PMPCB: variants seen among roughly 807,000 people sequenced by gnomAD.
PMPCB encodes peptidase, mitochondrial processing subunit beta.
Under a neutral mutation model 61.5 loss-of-function variants are expected in PMPCB, and 46 were observed. That is an observed-to-expected ratio of 0.75 (90% CI 0.59 to 0.96). PMPCB has a LOEUF of 0.96. PMPCB is among the 40% of genes least tolerant of loss of function. PMPCB has a pLI of 0.00. For missense variants in PMPCB, 590 were observed against 602.4 expected, an observed-to-expected ratio of 0.98 and a Z score of 0.22; for synonymous variants, 191 against 201.6, an observed-to-expected ratio of 0.95 and a Z score of 0.44.
At position 103,313,132 on chromosome 7, in the gene PMPCB, G is replaced by A. The variant is rs1421658777; in HGVS notation, c.*861G>A. On this transcript the variant is annotated 3_prime_UTR_variant, in exon 13 of 13. Transcript: ENST00000249269. ...TAAGAAAAATTTTTATTTGAAAACT[G>A]TCTTTGAACATGTTCTCAGACAAGT... 2 of 1,584,842 alleles carry A rather than the reference G, an allele frequency of 1.3e-6. No individual in the cohort carries two copies. The highest frequency in any genetic ancestry group is 3.7e-5 in the Admixed American group (2 of 53,808).
intron 12 of PMPCB, chr7:103,319,821 A>G (rs771322302): frequency 1.2e-6 from 2 of 1,614,180 alleles, no homozygotes; most frequent in South Asian, 2.2e-5. Flanking sequence ...GCTCTGCCTC[A>G]TTATCAGAAA....
At chr7:103,303,570 A>G (rs73712304) in intron 4 of PMPCB, among the ~76,000 whole-genome samples, 2,145 of 152,294 alleles carry the variant, frequency 0.014, 50 homozygotes, top group African/African-American at 0.049. Context: ...TTAATATGCA[A>G]ATTTCCATAG....
intron 4 of PMPCB, among the ~76,000 whole-genome samples, chr7:103,302,960 T>C (rs1817487460): frequency 6.6e-6 from 1 of 152,230 alleles, no homozygotes. Flanking sequence ...TGATTGCAAC[T>C]ATGTACTAAT....
At chr7:103,299,226 A>C (rs539215795) in intron 2 of PMPCB, among the ~76,000 whole-genome samples, 2 of 152,328 alleles carry the variant, frequency 1.3e-5, no homozygotes, top group African/African-American at 4.8e-5. Flanking sequence ...AAGAATCCTC[A>C]TTGAAGGTGG....
intron 8 of PMPCB, chr7:103,309,391 G>C (rs1168312469): frequency 1.5e-5 from 3 of 202,062 alleles, no homozygotes; most frequent in Non-Finnish European, 3.0e-5. Context: ...TATATCTGTG[G>C]GTTCCATATC....
At chr7:103,326,418 G>A (rs1818709762) in intron 12 of PMPCB, 1 of 929,438 alleles carries the variant, frequency 1.1e-6, no homozygotes, top group Non-Finnish European at 1.7e-6. Flanking sequence ...AGGAGGAGGA[G>A]GAGGAAGAGA....
intron 6 of PMPCB, among the ~76,000 whole-genome samples, chr7:103,306,368 T>C (rs1036048474): frequency 2.6e-5 from 4 of 151,938 alleles, no homozygotes; most frequent in African/African-American, 9.7e-5. Flanking sequence ...ATGACACTAT[T>C]TTGTTCCTGA....
intron 6 of PMPCB, 139 bp from the exon 7 acceptor site, chr7:103,307,457 A>T: frequency 1.7e-6 from 1 of 578,024 alleles, no homozygotes; most frequent in Non-Finnish European, 3.1e-6. Context: ...TAGGTGTGCT[A>T]TGTGAGCTTA....
intron 7 of PMPCB, among the ~76,000 whole-genome samples, chr7:103,308,575 T>G (rs1817652877): frequency 6.6e-6 from 1 of 152,054 alleles, no homozygotes; most frequent in Non-Finnish European, 1.5e-5. Context: ...GCCGAGATGG[T>G]GCCACTGCAC....
the PMPCB span, chr7:103,344,998 C>T: frequency 2.4e-6 from 1 of 410,270 alleles, no homozygotes; most frequent in Non-Finnish European, 4.3e-6. Context: ...TTTATATTAT[C>T]TTTAAGTTCT....
chr7:103,337,699 A>C, the PMPCB span: 1 of 1,512,362 alleles, frequency 6.6e-7, no homozygotes, highest in East Asian at 2.3e-5. Flanking sequence ...GTTCCTATAC[A>C]AGATATTTGA....
At chr7:103,318,557 AAGGTTCTTCTC>A (rs1490873714), downstream of PMPCB, among the ~76,000 whole-genome samples, 1 of 152,064 alleles carries the variant, frequency 6.6e-6, no homozygotes, top group South Asian at 2.1e-4. Context: ...TTTGGTCCTT[AAGGTTCTTCTC>A]AGGTTCTTCT....
In PMPCB at chr7:103,312,640, G is replaced by T; in HGVS notation, c.*369G>T. 7.4e-6 allele frequency: 12 copies of T among 1,612,984 alleles called. No homozygotes were observed. The highest frequency in any genetic ancestry group is 1.0e-5 in the Non-Finnish European group (12 of 1,179,702). The stretch of plus-strand genomic sequence containing the variant: ...TTCTTTGCTTTTACCATCTCGACAA[G>T]TTCCTAGGAAGGGAGAAAGGTGTGA... On this transcript the variant is annotated 3_prime_UTR_variant, in exon 13 of 13. Transcript: ENST00000249269.
At chr7:103,324,432 C>T in intron 12 of PMPCB, 1 of 1,398,888 alleles carries the variant, frequency 7.1e-7, no homozygotes. Flanking sequence ...TTATTGAATA[C>T]TTTTCCTTTT....
chr7:103,325,310 G>A (rs1441439244), intron 12 of PMPCB, among the ~76,000 whole-genome samples: 1 of 152,136 alleles, frequency 6.6e-6, no homozygotes, highest in Non-Finnish European at 1.5e-5. Flanking sequence ...GGTGGCAGAT[G>A]CCTGTAGTCC....
rs1207529804 is a variant in PMPCB at position 103,314,133 on chromosome 7, T to G, written c.*1862T>G. The G allele has an allele frequency of 2.0e-6, 2 of 985,318 alleles. No individual in the cohort carries two copies. Among genetic ancestry groups the G allele is most frequent in the African/African-American group, 3.5e-5 (2 of 57,240 alleles). 61.0% of individuals were successfully genotyped at this position (985,318 alleles called of 1,614,324 possible). On this transcript the variant is annotated 3_prime_UTR_variant, in exon 13 of 13. Transcript: ENST00000249269. ...CCTAAGAAGCTTTTTTGAAGGTAGC[T>G]TTTAAGTTCTAGGAAGTCTTTTGTT... is the stretch of plus-strand genomic sequence containing the variant.
chr7:103,297,887 TTCTA>T (rs1207101062), intron 1 of PMPCB: 4 of 1,387,280 alleles, frequency 2.9e-6, no homozygotes, highest in Non-Finnish European at 3.8e-6. Context: ...CGCTCCAGAG[TTCTA>T]TTTTTGCCTA....
the PMPCB span, chr7:103,344,548 T>G: frequency 1.2e-6 from 2 of 1,613,552 alleles, no homozygotes; most frequent in Non-Finnish European, 1.7e-6. Flanking sequence ...CGAGGTTGGG[T>G]GGGCACTTAC....
chr7:103,299,066 T>C (rs1817376160), intron 2 of PMPCB, among the ~76,000 whole-genome samples: 2 of 152,226 alleles, frequency 1.3e-5, no homozygotes, highest in Non-Finnish European at 2.9e-5. Context: ...ACACCTGTTT[T>C]ATAGTTAAGG....
Sources: allele counts gnomAD v4.1 joint callset (sites outside exome capture counted in the v4.1 genomes callset), GRCh38; gene constraint gnomAD v4.1.1; transcripts MANE v1.5; gene names NCBI Gene and HGNC (gene_info 2026-07-23, HGNC 2026-07-21).